The following ARFGAP1 variants were observed in gnomAD, a reference collection of about 807,000 sequenced individuals.
ARFGAP1 encodes ADP-ribosylation factor GTPase-activating protein 1.
Under a neutral mutation model 54.0 loss-of-function variants are expected in ARFGAP1, and 26 were observed. The observed-to-expected ratio is 0.48, with a 90% CI of 0.35 to 0.67. ARFGAP1 has a LOEUF of 0.67. Ranked by LOEUF, ARFGAP1 falls within the 30% of genes least tolerant of loss-of-function variation. The pLI is 0.00. For missense variants in ARFGAP1, 525 were observed against 535.8 expected, an observed-to-expected ratio of 0.98 and a Z score of 0.20; for synonymous variants, 248 against 211.9, an observed-to-expected ratio of 1.17 and a Z score of -1.48.
chr20:63,284,737 G>A (rs2067480121), intron 9 of ARFGAP1, 129 bp from the exon 10 acceptor site: 10 of 1,512,164 alleles, frequency 6.6e-6, no homozygotes, highest in African/African-American at 4.1e-5. Flanking sequence ...TGCTCCCTGC[G>A]CTTGTATCCT....
Position 63,288,265 on chromosome 20 carries a change from A to C in ARFGAP1, c.*392A>C. ...CACGTGCCGAGCTGTCAGCGACGTG[A>C]GGTGTCCCTTCTCGTTGAGATATTT... On this transcript the variant is annotated 3_prime_UTR_variant, in exon 13 of 13. Transcript: ENST00000370283. 1 of 518,866 alleles carries C rather than the reference A, an allele frequency of 1.9e-6. No homozygotes were observed. The highest frequency in any genetic ancestry group is 3.7e-6 in the Non-Finnish European group (1 of 267,482). The allele number at this position is 518,866 out of a possible 1,614,324, so 32.1% of individuals were successfully genotyped here. A position where few individuals can be genotyped will look rare whatever the true frequency, so the allele number is the denominator to read the frequency against.
intron 10 of ARFGAP1, 78 bp downstream of exon 10, chr20:63,285,000 AT>A: frequency 6.5e-7 from 1 of 1,541,308 alleles, no homozygotes; most frequent in Non-Finnish European, 8.9e-7. Flanking sequence ...TGTTAGGGGG[AT>A]TGTTTGTCCA....
intron 8 of ARFGAP1, among the ~76,000 whole-genome samples, chr20:63,282,502 CA>C (rs1370016864): frequency 6.6e-6 from 1 of 152,266 alleles, no homozygotes; most frequent in African/African-American, 2.4e-5. Context: ...TCTGCTCCAG[CA>C]GGCCCCGGCC....
chr20:63,273,065 G>A (rs1373292120), intron 1 of ARFGAP1, 145 bp downstream of exon 1: 1 of 152,048 alleles, frequency 6.6e-6, no homozygotes, highest in Non-Finnish European at 1.5e-5. Flanking sequence ...CCAGAGCTTG[G>A]GGGCGCCCAC....
chr20:63,284,579 A>C (rs1480444812), intron 9 of ARFGAP1: 1 of 1,294,074 alleles, frequency 7.7e-7, no homozygotes, highest in Admixed American at 3.3e-5. Context: ...TGTTCCCACC[A>C]GCCCGGCCCG....
At chr20:63,283,219 C>T (rs2067433139) in intron 9 of ARFGAP1, 1 of 354,900 alleles carries the variant, frequency 2.8e-6, no homozygotes, top group Non-Finnish European at 5.2e-6. Flanking sequence ...GTGCCTGCGG[C>T]ACACTGGACG....
intron 7 of ARFGAP1, 36 bp from the exon 8 acceptor site, chr20:63,281,255 A>G (rs1330140187): frequency 7.0e-6 from 11 of 1,577,750 alleles, no homozygotes; most frequent in Non-Finnish European, 8.6e-6. Flanking sequence ...CCTGGGTCCC[A>G]GTCCTGATGT....
intron 6 of ARFGAP1, 119 bp downstream of exon 6, chr20:63,278,322 C>T (rs1487071106): frequency 7.8e-6 from 8 of 1,024,064 alleles, no homozygotes; most frequent in East Asian, 2.5e-5. Flanking sequence ...CCCAGGCATG[C>T]GCGGTGCAGG....
intron 9 of ARFGAP1, 112 bp from the exon 10 acceptor site, chr20:63,284,753 CT>C: frequency 6.5e-7 from 1 of 1,538,148 alleles, no homozygotes; most frequent in Non-Finnish European, 8.7e-7. Context: ...ATCCTGCTGC[CT>C]TCCCTCCTGC....
chr20:63,288,264 G>A lies in ARFGAP1; in HGVS notation c.*391G>A, dbSNP rs2067619383. The A allele has an allele frequency of 1.9e-6, 1 of 520,722 alleles. No individual in the cohort carries two copies. The highest frequency in any genetic ancestry group is 1.5e-5 in the South Asian group (1 of 65,122). 32.3% of individuals were successfully genotyped at this position (520,722 alleles called of 1,614,324 possible). A position where few individuals can be genotyped will look rare whatever the true frequency, so the allele number is the denominator to read the frequency against. On this transcript the variant is annotated 3_prime_UTR_variant, in exon 13 of 13. Transcript: ENST00000370283. ...CCACGTGCCGAGCTGTCAGCGACGT[G>A]AGGTGTCCCTTCTCGTTGAGATATT...
chr20:63,285,355 A>G (rs1305863832), intron 10 of ARFGAP1: 5 of 525,016 alleles, frequency 9.5e-6, no homozygotes, highest in South Asian at 4.4e-5. Context: ...TCGGGGCCTG[A>G]CTGGGACAAG....
At chr20:63,277,436 A>C in intron 5 of ARFGAP1, 131 bp downstream of exon 5, 5 of 794,754 alleles carry the variant, frequency 6.3e-6, no homozygotes, top group Non-Finnish European at 9.2e-6. Flanking sequence ...TGGGAAAAAC[A>C]GCTTTTTAAA....
At chr20:63,284,520 TG>T (rs1177388127) in intron 9 of ARFGAP1, 62 of 1,170,570 alleles carry the variant, frequency 5.3e-5, no homozygotes, top group Non-Finnish European at 6.4e-5. Context: ...CAGGTCAGCA[TG>T]GGGTGGCTGC....
intron 12 of ARFGAP1, 95 bp from the exon 13 acceptor site, chr20:63,287,469 G>T: frequency 1.6e-6 from 2 of 1,234,066 alleles, no homozygotes; most frequent in East Asian, 5.0e-5. Flanking sequence ...TGGGAAGGCG[G>T]TCACTGTCCA....
chr20:63,276,297 C>A lies in ARFGAP1; in HGVS notation c.170+97C>A. The A allele has an allele frequency of 6.9e-7, 1 of 1,447,724 alleles. No homozygotes were observed. Among genetic ancestry groups the A allele is most frequent in the Non-Finnish European group, 9.6e-7 (1 of 1,041,940 alleles). The allele number at this position is 1,447,724 out of a possible 1,614,324, so 89.7% of individuals were successfully genotyped here. A position where few individuals can be genotyped will look rare whatever the true frequency, so the allele number is the denominator to read the frequency against. On this transcript the variant is annotated intron_variant, in intron 3 of 12. Transcript: ENST00000370283. This position sits in a 1 kb window ranked among gnomAD's most constrained non-coding sequence, Gnocchi z 5.2. Reference sequence around the variant, plus strand: ...TGCTGACGCCAGGGAAGCTTGGGGGCCACCTCCCATTGCATTGCCAGTGTC... The same window carrying A: ...TGCTGACGCCAGGGAAGCTTGGGGGACACCTCCCATTGCATTGCCAGTGTC...
At chr20:63,285,841 G>GA in intron 11 of ARFGAP1, 128 bp downstream of exon 11, 1 of 1,467,050 alleles carries the variant, frequency 6.8e-7, no homozygotes, top group Non-Finnish European at 9.4e-7. Flanking sequence ...TGTCCTCTGA[G>GA]ACGGGAGGAG....
chr20:63,286,069 C>T, intron 11 of ARFGAP1: 1 of 1,549,934 alleles, frequency 6.5e-7, no homozygotes. Context: ...ATGAGGCGCT[C>T]TGCGGACAGA....
At chr20:63,277,071 G>A (rs933212661) in intron 4 of ARFGAP1, 134 bp from the exon 5 acceptor site, 4 of 691,188 alleles carry the variant, frequency 5.8e-6, no homozygotes, top group African/African-American at 3.6e-5. Context: ...AGCAGGGGCC[G>A]TCGAGGGGGC....
chr20:63,277,151 G>T (rs529815011), intron 4 of ARFGAP1, 54 bp from the exon 5 acceptor site: 3 of 1,513,414 alleles, frequency 2.0e-6, no homozygotes, highest in Admixed American at 3.5e-5. Flanking sequence ...GACGGTGCCC[G>T]AGGGCATCGC....
Sources: gnomAD v4.1 joint callset for allele counts (sites outside exome capture counted in the v4.1 genomes callset) on GRCh38, gnomAD v4.1.1 for gene constraint, Gnocchi (gnomAD v3.1) non-coding constraint, MANE v1.5 for transcripts, NCBI Gene and HGNC (gene_info 2026-07-23, HGNC 2026-07-21) for gene names.